SIL1: variants seen among roughly 807,000 people sequenced by gnomAD.
The protein encoded by SIL1 is SIL1 nucleotide exchange factor, also known as nucleotide exchange factor SIL1.
SIL1 carries 40 observed loss-of-function variants against 49.1 expected under a neutral mutation model. The ratio of observed to expected loss-of-function variants is 0.81; its 90% CI spans 0.63 to 1.06. The LOEUF (loss-of-function observed/expected upper bound fraction) is 1.06, where lower values mean the gene tolerates loss of function less well. Among genes scored for constraint, SIL1 ranks in the 50% least tolerant of loss-of-function variants. The pLI is 0.00. For synonymous variants in SIL1, 253 were observed against 250.8 expected (o/e 1.01, Z -0.08); for missense variants, 500 against 572.6 (o/e 0.87, Z 1.29).
At chr5:138,958,019 A>G (rs1462678149) in intron 7 of SIL1, among the ~76,000 whole-genome samples, 1 of 151,614 alleles carries the variant, frequency 6.6e-6, no homozygotes, top group African/African-American at 2.4e-5. Flanking sequence ...CTGGCCTCCT[A>G]AAACGTTGGG....
chr5:138,957,477 G>A (rs940989265), intron 7 of SIL1, among the ~76,000 whole-genome samples: 8 of 151,576 alleles, frequency 5.3e-5, no homozygotes, highest in African/African-American at 1.2e-4. Flanking sequence ...CCAGCTACTC[G>A]GGAGGCTGAG....
chr5:139,020,274 G>T (rs10075951), intron 7 of SIL1, among the ~76,000 whole-genome samples: 65,741 of 152,128 alleles, frequency 0.43, 15,378 homozygotes, highest in African/African-American at 0.63. Flanking sequence ...TATGCTGAAT[G>T]CCTTTCAGAG....
chr5:139,127,707 G>T (rs1440634940), intron 2 of SIL1, 32 bp downstream of exon 2: 15 of 1,564,214 alleles, frequency 9.6e-6, no homozygotes, highest in Non-Finnish European at 1.3e-5. Context: ...ACCTCATCAA[G>T]GGTCCCTCCC....
At chr5:139,132,495 A>G (rs939908041) in intron 1 of SIL1, among the ~76,000 whole-genome samples, 4 of 152,170 alleles carry the variant, frequency 2.6e-5, no homozygotes, top group African/African-American at 9.7e-5. Flanking sequence ...ATATTTTTCC[A>G]CAAAACAGGG....
At position 139,160,143 on chromosome 5, in the gene SIL1, TCACACACACACA is replaced by T. The variant is rs57028301; in HGVS notation, c.-10-32302_-10-32291del. Among the ~76,000 whole-genome samples, 950 of 137,710 alleles carry T rather than the reference TCACACACACACA, an allele frequency of 6.9e-3. 5 individuals carry two copies. The highest frequency in any genetic ancestry group is 0.014 in the Middle Eastern group (4 of 276). 90.3% of individuals were successfully genotyped at this position (137,710 alleles called of 152,430 possible). On this transcript the variant is annotated intron_variant, in intron 1 of 9. Transcript: ENST00000394817. ...ACCCATCCCAATCACATTTCCACAA[TCACACACACACA>T]CACACACACACACACACACACACAC...
At chr5:138,980,707 GA>G (rs1020199540) in intron 7 of SIL1, among the ~76,000 whole-genome samples, 7 of 152,226 alleles carry the variant, frequency 4.6e-5, no homozygotes, top group African/African-American at 1.4e-4. Context: ...GACAGAGGAT[GA>G]AAAATGGTGC....
intron 4 of SIL1, among the ~76,000 whole-genome samples, chr5:139,043,744 C>A (rs1769094992): frequency 6.6e-6 from 1 of 152,228 alleles, no homozygotes; most frequent in Non-Finnish European, 1.5e-5. Context: ...GAGAGGACAT[C>A]CATCATGTGG....
At chr5:138,992,049 T>G (rs1767771516) in intron 7 of SIL1, among the ~76,000 whole-genome samples, 1 of 152,206 alleles carries the variant, frequency 6.6e-6, no homozygotes, top group Non-Finnish European at 1.5e-5. Context: ...CTGTACACCT[T>G]CTAATGCATA....
intron 4 of SIL1, among the ~76,000 whole-genome samples, chr5:139,047,745 C>T (rs1231187857): frequency 1.3e-5 from 2 of 152,252 alleles, no homozygotes; most frequent in Non-Finnish European, 2.9e-5. Context: ...CAAAGGCTCA[C>T]TGAGCTCACA....
intron 3 of SIL1, among the ~76,000 whole-genome samples, chr5:139,110,042 G>A (rs771589486): frequency 9.2e-5 from 14 of 152,026 alleles, no homozygotes; most frequent in South Asian, 4.2e-4. Context: ...GGTGGCACGC[G>A]CCTGTAGTCC....
intron 3 of SIL1, among the ~76,000 whole-genome samples, chr5:139,112,641 A>G (rs1339618749): frequency 6.9e-6 from 1 of 144,720 alleles, no homozygotes; most frequent in African/African-American, 2.6e-5. Flanking sequence ...GGTGGGGGCC[A>G]GCCCCCGCCC....
intron 3 of SIL1, among the ~76,000 whole-genome samples, chr5:139,112,695 C>G (rs891435756): frequency 5.3e-5 from 8 of 150,746 alleles, no homozygotes; most frequent in Non-Finnish European, 8.9e-5. Flanking sequence ...GCGCCTCCGC[C>G]CGGCCGCCGC....
chr5:139,088,441 T>G (rs555776487), intron 3 of SIL1, among the ~76,000 whole-genome samples: 26 of 152,314 alleles, frequency 1.7e-4, no homozygotes, highest in African/African-American at 6.0e-4. Flanking sequence ...GAGTGTAACT[T>G]CTGATGCCAC....
intron 7 of SIL1, among the ~76,000 whole-genome samples, chr5:138,983,228 G>T (rs77580219): frequency 8.2e-6 from 1 of 122,462 alleles, no homozygotes; most frequent in Non-Finnish European, 1.7e-5. Flanking sequence ...AAAAAAAAAG[G>T]CCGGGCGCGG....
At chr5:139,094,289 C>T (rs1056732081) in intron 3 of SIL1, among the ~76,000 whole-genome samples, 12 of 152,222 alleles carry the variant, frequency 7.9e-5, no homozygotes, top group African/African-American at 2.9e-4. Flanking sequence ...CAACAGAATT[C>T]ATTCTATCAT....
intron 1 of SIL1, among the ~76,000 whole-genome samples, chr5:139,143,312 C>CATATGTATAT: frequency 1.8e-5 from 1 of 56,712 alleles, no homozygotes; most frequent in Non-Finnish European, 4.0e-5. Context: ...TATATACACA[C>CATATGTATAT]ACACACACAC....
At chr5:139,038,440 T>A (rs1293173896) in intron 5 of SIL1, among the ~76,000 whole-genome samples, 2 of 152,158 alleles carry the variant, frequency 1.3e-5, no homozygotes, top group African/African-American at 4.8e-5. Context: ...GCTATTCTGG[T>A]CTGCTTCCTT....
Position 139,026,991 on chromosome 5 carries a change from G to C in SIL1, c.455C>G (p.Ala152Gly). Reference protein sequence around the residue: ...AEMESSKEDKARQAEVKRLFR... With the variant: ...AEMESSKEDKGRQAEVKRLFR... ...GAGCCGCTTTACCTCAGCCTGCCTTGCCTAAGGAGAGCAGCAAAGAGGTGA... is the reference window on the plus strand; with the variant it reads ...GAGCCGCTTTACCTCAGCCTGCCTTCCCTAAGGAGAGCAGCAAAGAGGTGA... Residue 152 changes from alanine to glycine, a missense_variant and splice_region_variant, in exon 6 of 10, where the codon GCA becomes GGA. Physicochemically the swap from Ala to Gly is moderately conservative, Grantham distance 60 (BLOSUM62 0). Coordinates refer to ENST00000394817, the MANE Select transcript of SIL1 (RefSeq NM_022464.5). The C allele has an allele frequency of 6.2e-7, 1 of 1,614,090 alleles. No individual in the cohort carries two copies. The highest frequency in any genetic ancestry group is 1.7e-5 in the Admixed American group (1 of 60,008).
intron 7 of SIL1, among the ~76,000 whole-genome samples, chr5:138,978,084 T>C (rs1767430610): frequency 6.6e-6 from 1 of 152,244 alleles, no homozygotes; most frequent in African/African-American, 2.4e-5. Context: ...AAAATTCACA[T>C]ACCACACAAT....
Sources: gnomAD v4.1 joint callset for allele counts (sites outside exome capture counted in the v4.1 genomes callset) on GRCh38, gnomAD v4.1.1 for gene constraint, MANE v1.5 for transcripts, NCBI Gene and HGNC (gene_info 2026-07-23, HGNC 2026-07-21) for gene names.